SLC22A15: variants seen among roughly 807,000 people sequenced by gnomAD.
SLC22A15 encodes the protein flipt 1.
Under a neutral mutation model 62.7 loss-of-function variants are expected in SLC22A15, and 45 were observed. The ratio of observed to expected loss-of-function variants is 0.72; its 90% CI spans 0.56 to 0.92. SLC22A15 has a LOEUF of 0.92. Among genes scored for constraint, SLC22A15 ranks in the 40% least tolerant of loss-of-function variants. The probability of loss-of-function intolerance (pLI) is 0.00; values close to 1 mark genes in which losing one functional copy is unlikely to be tolerated. For synonymous variants in SLC22A15, 264 were observed against 267.0 expected (o/e 0.99, Z 0.11); for missense variants, 622 against 665.6 (o/e 0.93, Z 0.72).
chr1:116,041,939 G>GGTTTGTTTGTTTGTTT (rs371828342), intron 8 of SLC22A15, among the ~76,000 whole-genome samples: 2 of 151,624 alleles, frequency 1.3e-5, no homozygotes, highest in African/African-American at 4.9e-5. Flanking sequence ...GGAAAACCCT[G>GGTTTGTTTGTTTGTTT]GTTTGTTTGT....
At chr1:116,025,621 T>C (rs1299767092) in intron 4 of SLC22A15, among the ~76,000 whole-genome samples, 1 of 152,178 alleles carries the variant, frequency 6.6e-6, no homozygotes, top group Non-Finnish European at 1.5e-5. Context: ...TGCCTTTCCA[T>C]AGAGGGGAGA....
intron 2 of SLC22A15, among the ~76,000 whole-genome samples, chr1:115,995,085 C>T (rs1036040509): frequency 1.2e-4 from 18 of 151,920 alleles, no homozygotes; most frequent in Non-Finnish European, 2.1e-4. Flanking sequence ...ATTCCTCATT[C>T]GGTTTGGTTT....
At chr1:116,059,723 A>G (rs1219338780) in intron 8 of SLC22A15, among the ~76,000 whole-genome samples, 1 of 152,204 alleles carries the variant, frequency 6.6e-6, no homozygotes, top group Non-Finnish European at 1.5e-5. Context: ...CATGTGAACA[A>G]TCAAAATGAA....
At chr1:116,043,053 A>G (rs2101500754) in intron 8 of SLC22A15, among the ~76,000 whole-genome samples, 1 of 152,376 alleles carries the variant, frequency 6.6e-6, no homozygotes, top group African/African-American at 2.4e-5. Flanking sequence ...ATATGGAACA[A>G]CATCCTTCTA....
At chr1:116,050,801 T>C (rs1045159593) in intron 8 of SLC22A15, among the ~76,000 whole-genome samples, 3 of 152,182 alleles carry the variant, frequency 2.0e-5, no homozygotes, top group Non-Finnish European at 4.4e-5. Flanking sequence ...TTGCTGATGA[T>C]ATGATTGTTT....
intron 4 of SLC22A15, among the ~76,000 whole-genome samples, chr1:116,024,465 A>G (rs947503448): frequency 6.6e-6 from 1 of 152,238 alleles, no homozygotes; most frequent in Admixed American, 6.5e-5. Flanking sequence ...AAATAGGCAT[A>G]GTACTTAAAG....
At position 116,035,268 on chromosome 1, in the gene SLC22A15, G is replaced by A. The variant is rs368978553; in HGVS notation, c.1026G>A (p.Leu342=). The A allele has an allele frequency of 1.9e-6, 3 of 1,613,384 alleles. No homozygotes were observed. Among genetic ancestry groups the A allele is most frequent in the Non-Finnish European group, 8.5e-7 (1 of 1,179,554 alleles). ...GAAGTATTTATGCCAACCTGGCCCT[G>A]TCTGGCCTCATAGAGATTCCATCTT... ...LGGSIYANLA[L]SGLIEIPSYP... is the part of the protein sequence containing the mutation. Residue 342 remains leucine, a synonymous_variant, in exon 7 of 12, where the codon CTG becomes CTA. Transcript: ENST00000369503.
At chr1:115,990,972 G>A (rs778627374) in intron 1 of SLC22A15, among the ~76,000 whole-genome samples, 7 of 152,196 alleles carry the variant, frequency 4.6e-5, no homozygotes, top group Middle Eastern at 3.4e-3. Context: ...TGGCCAGGCT[G>A]GTCTCAAACT....
At chr1:116,013,873 TCTGAA>T (rs923952752) in intron 2 of SLC22A15, 5 of 152,322 alleles carry the variant, frequency 3.3e-5, no homozygotes, top group Non-Finnish European at 5.9e-5. Context: ...AGATCTCACC[TCTGAA>T]CTCCAGGCAT....
At chr1:116,050,895 G>A (rs1469526165) in intron 8 of SLC22A15, among the ~76,000 whole-genome samples, 3 of 152,126 alleles carry the variant, frequency 2.0e-5, no homozygotes, top group East Asian at 3.9e-4. Flanking sequence ...CAAGATTAAT[G>A]TACAGAAATC....
intron 3 of SLC22A15, 97 bp downstream of exon 3, chr1:116,019,811 G>A: frequency 7.6e-7 from 1 of 1,321,874 alleles, no homozygotes; most frequent in Non-Finnish European, 1.0e-6. Context: ...AGGTTCTCCG[G>A]GAATTGGCAT....
chr1:115,977,655 A>G (rs1310057442), intron 1 of SLC22A15, among the ~76,000 whole-genome samples: 1 of 152,236 alleles, frequency 6.6e-6, no homozygotes, highest in Non-Finnish European at 1.5e-5. Flanking sequence ...CATGGTGGAC[A>G]AATCATTGAC....
intron 8 of SLC22A15, among the ~76,000 whole-genome samples, chr1:116,050,937 G>A (rs543632201): frequency 6.6e-6 from 1 of 152,284 alleles, no homozygotes; most frequent in Non-Finnish European, 1.5e-5. Flanking sequence ...TGGCAGCCAA[G>A]CAGAAAATCA....
At chr1:116,050,242 T>G (rs1022901846) in intron 8 of SLC22A15, among the ~76,000 whole-genome samples, 2 of 152,194 alleles carry the variant, frequency 1.3e-5, no homozygotes, top group Non-Finnish European at 2.9e-5. Flanking sequence ...TAACTCATTC[T>G]ATGAAGCCAG....
intron 2 of SLC22A15, among the ~76,000 whole-genome samples, chr1:116,012,575 A>G (rs1656325846): frequency 6.6e-6 from 1 of 152,232 alleles, no homozygotes; most frequent in Non-Finnish European, 1.5e-5. Flanking sequence ...TCAGATAGAC[A>G]GTAAGTGTAA....
At chr1:116,027,212 T>C in intron 5 of SLC22A15, 190 bp downstream of exon 5, 1 of 660,024 alleles carries the variant, frequency 1.5e-6, no homozygotes, top group Non-Finnish European at 2.8e-6. Context: ...TAATTCAGAA[T>C]GCAGGTATCC....
At chr1:116,010,438 C>T (rs750290196) in intron 2 of SLC22A15, among the ~76,000 whole-genome samples, 3 of 152,048 alleles carry the variant, frequency 2.0e-5, no homozygotes, top group Non-Finnish European at 2.9e-5. Context: ...TGCTTCCTTA[C>T]GCCTGTACTA....
chr1:115,979,396 C>G (rs1053193450), intron 1 of SLC22A15, among the ~76,000 whole-genome samples: 6 of 152,262 alleles, frequency 3.9e-5, no homozygotes, highest in Admixed American at 3.9e-4. Flanking sequence ...GATTTTTCCT[C>G]AGCGTAAGAT....
chr1:116,046,573 CAG>C (rs752444227), intron 8 of SLC22A15, among the ~76,000 whole-genome samples: 1 of 152,186 alleles, frequency 6.6e-6, no homozygotes, highest in Non-Finnish European at 1.5e-5. Context: ...TGCTCTGACT[CAG>C]ATGAACAGAG....
Sources: gnomAD v4.1 joint callset for allele counts (sites outside exome capture counted in the v4.1 genomes callset) on GRCh38, gnomAD v4.1.1 for gene constraint, MANE v1.5 for transcripts, NCBI Gene and HGNC (gene_info 2026-07-23, HGNC 2026-07-21) for gene names.